BCAS1: variants seen among roughly 807,000 people sequenced by gnomAD.
BCAS1 encodes brain enriched myelin associated protein 1.
In BCAS1, 46 loss-of-function variants were observed where a neutral mutation model predicts 65.4. The ratio of observed to expected loss-of-function variants is 0.70; its 90% CI spans 0.55 to 0.90. The LOEUF is 0.90. Ranked by LOEUF, BCAS1 falls within the 40% of genes least tolerant of loss-of-function variation. The pLI is 0.00. For missense variants in BCAS1, 793 were observed against 771.2 expected, an observed-to-expected ratio of 1.03 and a Z score of -0.33; for synonymous variants, 298 against 293.5, an observed-to-expected ratio of 1.02 and a Z score of -0.16.
chr20:53,968,708 G>A (rs1216310494), intron 9 of BCAS1, among the ~76,000 whole-genome samples: 1 of 152,198 alleles, frequency 6.6e-6, no homozygotes, highest in Admixed American at 6.5e-5. Context: ...AAAGTCCTCA[G>A]GAGGCAAGGC....
chr20:54,014,836 G>A (rs1011965851), intron 4 of BCAS1, among the ~76,000 whole-genome samples: 3 of 152,154 alleles, frequency 2.0e-5, no homozygotes, highest in African/African-American at 4.8e-5. Flanking sequence ...CAATCACGAA[G>A]TCTTCATTTT....
At position 53,976,196 on chromosome 20, in the gene BCAS1, T is replaced by C. The variant is rs144168643; in HGVS notation, c.1276-766A>G. Among the ~76,000 whole-genome samples the C allele has an allele frequency of 1.3e-3, 204 of 152,242 alleles. 1 individual carries two copies. The highest frequency in any genetic ancestry group is 4.8e-3 in the African/African-American group (199 of 41,546). On this transcript the variant is annotated intron_variant, in intron 8 of 12. Coordinates refer to ENST00000688948, the MANE Select transcript of BCAS1 (RefSeq NM_001366298.2). ...TTCTATCAGTTAGCCAACTTTGGAG[T>C]TCATTTTTGCATCTTTCTTTTGGTG...
intron 11 of BCAS1, among the ~76,000 whole-genome samples, chr20:53,957,181 GAA>G (rs1405547846): frequency 6.6e-6 from 1 of 152,208 alleles, no homozygotes; most frequent in African/African-American, 2.4e-5. Flanking sequence ...TGAAGGGTGA[GAA>G]GAGATTTTTA....
At chr20:53,975,259 G>T in intron 9 of BCAS1, 130 bp downstream of exon 9, 1 of 714,216 alleles carries the variant, frequency 1.4e-6, no homozygotes. Flanking sequence ...TACGGGATAA[G>T]AGAGTCTACA....
intron 1 of BCAS1, among the ~76,000 whole-genome samples, chr20:54,065,383 C>A (rs1286306487): frequency 6.6e-6 from 1 of 152,142 alleles, no homozygotes; most frequent in African/African-American, 2.4e-5. Context: ...TGGAGCACAG[C>A]GTTTCTGGAG....
At chr20:54,010,942 C>T (rs208374) in intron 4 of BCAS1, among the ~76,000 whole-genome samples, 110,266 of 152,044 alleles carry the variant, frequency 0.73, 40,484 homozygotes, top group East Asian at 0.92. Flanking sequence ...TATGCCCAGA[C>T]GACTTTTGAC....
chr20:54,034,735 T>C (rs543892205), intron 3 of BCAS1, among the ~76,000 whole-genome samples: 2 of 151,534 alleles, frequency 1.3e-5, no homozygotes, highest in South Asian at 4.2e-4. Context: ...TTCAATGCTA[T>C]ACCTATTAAA....
At chr20:54,033,318 AT>A in intron 3 of BCAS1, among the ~76,000 whole-genome samples, 1 of 151,164 alleles carries the variant, frequency 6.6e-6, no homozygotes, top group Non-Finnish European at 1.5e-5. Flanking sequence ...ACTGAAGGAG[AT>A]TGAGACATGA....
At chr20:54,006,994 C>T (rs895972454) in intron 4 of BCAS1, among the ~76,000 whole-genome samples, 2 of 152,178 alleles carry the variant, frequency 1.3e-5, no homozygotes, top group African/African-American at 4.8e-5. Context: ...GGCAAGGCCA[C>T]GGAGGGTGAG....
chr20:53,960,662 CT>C (rs2089851514), intron 10 of BCAS1, among the ~76,000 whole-genome samples: 2 of 151,728 alleles, frequency 1.3e-5, no homozygotes. Flanking sequence ...TTAATAACAA[CT>C]GTTTCCTTCC....
At chr20:53,948,577 A>G (rs975587999) in intron 12 of BCAS1, among the ~76,000 whole-genome samples, 2 of 152,116 alleles carry the variant, frequency 1.3e-5, no homozygotes, top group Admixed American at 6.5e-5. Context: ...GGCCTCATAC[A>G]TACACATGCC....
chr20:54,028,575 TG>T lies in BCAS1; in HGVS notation c.539del (p.Ala180GlufsTer64), dbSNP rs1568894945. The T allele has an allele frequency of 6.2e-7, 1 of 1,614,194 alleles. No homozygotes were observed. The highest frequency in any genetic ancestry group is 2.2e-5 in the East Asian group (1 of 44,882). On this transcript the variant is annotated frameshift_variant, in exon 4 of 13. Transcript: ENST00000688948. LOFTEE classifies it high-confidence loss of function. ...PTLLPPETGGAGGEAPSKPKD... is the reference protein window; with the variant it reads ...PTLLPPETGGXGGEAPSKPKD... ...TGGGCTTGGAGGGAGCTTCTCCTCC[TG>T]CTCCCCCTGTCTCAGGTGGGAGAAG...
chr20:54,057,366 G>A (rs1458843199), intron 3 of BCAS1, among the ~76,000 whole-genome samples: 1 of 152,206 alleles, frequency 6.6e-6, no homozygotes, highest in Non-Finnish European at 1.5e-5. Context: ...GCAATTCTGT[G>A]AGGTAGGTAC....
At position 54,004,324 on chromosome 20, in the gene BCAS1, A is replaced by G. The variant is rs2091132649; in HGVS notation, c.724-8274T>C. ...GCTGGCATCTTGATTTCAGACTTATAGCCTCCAAAACTGTGAGATATCAAT... is the reference window on the plus strand; with the variant it reads ...GCTGGCATCTTGATTTCAGACTTATGGCCTCCAAAACTGTGAGATATCAAT... On this transcript the variant is annotated intron_variant, in intron 4 of 12. Coordinates refer to ENST00000688948, the MANE Select transcript of BCAS1 (RefSeq NM_001366298.2). Among the ~76,000 whole-genome samples, 3 of 152,208 alleles carry G rather than the reference A, an allele frequency of 2.0e-5. No individual in the cohort carries two copies. The South Asian group carries it at 6.2e-4, about 31-fold the overall frequency.
Position 54,019,661 on chromosome 20 carries a change from C to T in BCAS1, c.723+8731G>A, listed in dbSNP as rs529831932. Among the ~76,000 whole-genome samples, 6 of 152,296 alleles carry T rather than the reference C, an allele frequency of 3.9e-5. No individual in the cohort carries two copies. In the East Asian group the frequency reaches 7.7e-4, roughly 20 times the overall value. On this transcript the variant is annotated intron_variant, in intron 4 of 12. Coordinates refer to ENST00000688948, the MANE Select transcript of BCAS1 (RefSeq NM_001366298.2). ...TCAATGTGGGTGGGCACCTTCCAAT[C>T]GGCTGGCAGCATGGCTAGAACAAAG...
chr20:53,996,495 G>C (rs1036159777), intron 4 of BCAS1, among the ~76,000 whole-genome samples: 1 of 136,964 alleles, frequency 7.3e-6, no homozygotes, highest in African/African-American at 2.6e-5. Flanking sequence ...AAAAGAAAAA[G>C]AAAAAGTACT....
At chr20:53,967,555 T>C (rs533773874) in intron 9 of BCAS1, among the ~76,000 whole-genome samples, 3 of 152,344 alleles carry the variant, frequency 2.0e-5, no homozygotes, top group South Asian at 4.1e-4. Flanking sequence ...AAGGAGAGTG[T>C]AAAAACCACT....
intron 1 of BCAS1, among the ~76,000 whole-genome samples, chr20:54,059,041 A>G (rs2092343626): frequency 6.6e-6 from 1 of 152,184 alleles, no homozygotes; most frequent in Non-Finnish European, 1.5e-5. Context: ...GAAATGCCAG[A>G]TGCTTATAAA....
chr20:54,023,734 T>C (rs1860177097), intron 4 of BCAS1, among the ~76,000 whole-genome samples: 1 of 152,220 alleles, frequency 6.6e-6, no homozygotes, highest in Admixed American at 6.5e-5. Flanking sequence ...AACCCTTAAA[T>C]GTCAGACAAA....
Sources: gnomAD v4.1 joint callset for allele counts (sites outside exome capture counted in the v4.1 genomes callset) on GRCh38, gnomAD v4.1.1 for gene constraint, MANE v1.5 for transcripts, NCBI Gene and HGNC (gene_info 2026-07-23, HGNC 2026-07-21) for gene names.